Variants in NUP155 observed in about 807,000 individuals in gnomAD.
NUP155 encodes the protein nucleoporin 155, also known as nuclear pore complex protein Nup155.
NUP155 carries 71 observed loss-of-function variants against 180.4 expected under a neutral mutation model. The observed-to-expected ratio is 0.39, with a 90% CI of 0.33 to 0.48. The LOEUF (loss-of-function observed/expected upper bound fraction) is 0.48. NUP155 is among the 20% of genes least tolerant of loss of function. NUP155 has a pLI of 0.91. For missense variants in NUP155, 1,553 were observed against 1,648.9 expected, an observed-to-expected ratio of 0.94 and a Z score of 1.01; for synonymous variants, 582 against 559.5, an observed-to-expected ratio of 1.04 and a Z score of -0.57.
At chr5:37,328,096 T>C (rs367708667) in intron 17 of NUP155, among the ~76,000 whole-genome samples, 46 of 152,286 alleles carry the variant, frequency 3.0e-4, no homozygotes, top group South Asian at 8.3e-4. Context: ...GACAGTGAAA[T>C]AGAACTGATT....
intron 9 of NUP155, among the ~76,000 whole-genome samples, chr5:37,346,787 C>CT (rs1746121265): frequency 6.6e-6 from 1 of 152,130 alleles, no homozygotes; most frequent in Non-Finnish European, 1.5e-5. Flanking sequence ...GGTTCTTGTA[C>CT]TTATTTAGGA....
chr5:37,299,361 T>C (rs746106942), intron 31 of NUP155, 87 bp downstream of exon 31: 1 of 1,501,966 alleles, frequency 6.7e-7, no homozygotes, highest in Non-Finnish European at 9.3e-7. Context: ...CACTAGCAGC[T>C]TGCATTATAT....
intron 8 of NUP155, 49 bp from the exon 9 acceptor site, chr5:37,348,645 CAT>C (rs773065276): frequency 5.9e-6 from 6 of 1,025,102 alleles, no homozygotes; most frequent in Non-Finnish European, 7.8e-6. Context: ...ATACTATACA[CAT>C]ATTATTAAAC....
intron 13 of NUP155, among the ~76,000 whole-genome samples, chr5:37,332,818 G>A (rs1403895044): frequency 6.6e-6 from 1 of 152,104 alleles, no homozygotes; most frequent in Non-Finnish European, 1.5e-5. Flanking sequence ...TTAACTGGGT[G>A]TGGTGGCAAA....
At position 37,291,749 on chromosome 5, in the gene NUP155, A is replaced by T; in HGVS notation, c.*151T>A. Reference sequence around the variant, plus strand: ...AGTCATAAAAAAGAATTCATTTAGCAAAGGTACTATTTGTAGATATTAGCC... The same window carrying T: ...AGTCATAAAAAAGAATTCATTTAGCTAAGGTACTATTTGTAGATATTAGCC... On this transcript the variant is annotated 3_prime_UTR_variant, in exon 35 of 35. Coordinates refer to ENST00000231498, the MANE Select transcript of NUP155 (RefSeq NM_153485.3). The T allele has an allele frequency of 6.5e-6, 4 of 616,922 alleles. No individual in the cohort carries two copies. Among genetic ancestry groups the T allele is most frequent in the Non-Finnish European group, 1.1e-5 (4 of 362,902 alleles). The allele number at this position is 616,922 out of a possible 1,614,324, so 38.2% of individuals were successfully genotyped here.
intron 3 of NUP155, among the ~76,000 whole-genome samples, chr5:37,360,719 G>A (rs1747148375): frequency 6.7e-6 from 1 of 148,964 alleles, no homozygotes; most frequent in African/African-American, 2.5e-5. Flanking sequence ...CCAGGAGGTT[G>A]AGGCTGCAGT....
chr5:37,354,335 AC>A (rs1208519841), intron 4 of NUP155, among the ~76,000 whole-genome samples: 1 of 152,016 alleles, frequency 6.6e-6, no homozygotes, highest in East Asian at 1.9e-4. Flanking sequence ...TAGTAGAGAC[AC>A]GGTTTCACCA....
rs1021002313 is a variant in NUP155 at position 37,332,313 on chromosome 5, C to CTT, written c.1519-520_1519-519dup. Among the ~76,000 whole-genome samples the CTT allele has an allele frequency of 1.3e-3, 117 of 87,706 alleles. 7 individuals are homozygous for CTT. Among genetic ancestry groups the CTT allele is most frequent in the African/African-American group, 2.1e-3 (37 of 17,718 alleles). 57.5% of individuals were successfully genotyped at this position (87,706 alleles called of 152,430 possible). A position where few individuals can be genotyped will look rare whatever the true frequency, so the allele number is the denominator to read the frequency against. ...GCAATTGAGGTTTCTGCCATTACAG[C>CTT]TTTTTTTTTTTTTTTTTTTTTTTTT... On this transcript the variant is annotated intron_variant, in intron 13 of 34. Transcript: ENST00000231498.
At chr5:37,317,688 CTT>C (rs374997987) in intron 21 of NUP155, among the ~76,000 whole-genome samples, 12 of 131,282 alleles carry the variant, frequency 9.1e-5, no homozygotes, top group African/African-American at 1.4e-4. Context: ...CCCAATCACA[CTT>C]TTTTTTTTTT....
chr5:37,328,452 G>C, intron 16 of NUP155, 32 bp from the exon 17 acceptor site: 1 of 1,432,230 alleles, frequency 7.0e-7, no homozygotes, highest in Non-Finnish European at 9.8e-7. Flanking sequence ...TAAAGATTTA[G>C]AAAAGAACAT....
At chr5:37,299,730 A>C (rs999961918) in intron 30 of NUP155, among the ~76,000 whole-genome samples, 162 bp from the exon 31 acceptor site, 7 of 152,126 alleles carry the variant, frequency 4.6e-5, no homozygotes, top group African/African-American at 1.7e-4. Context: ...TTATAACTCC[A>C]TATTTAAAAA....
chr5:37,330,780 T>TAC (rs565176736), intron 14 of NUP155, among the ~76,000 whole-genome samples: 279 of 152,240 alleles, frequency 1.8e-3, no homozygotes, highest in African/African-American at 6.5e-3. Flanking sequence ...TCCCTAAATG[T>TAC]CTTGTGCTTT....
At chr5:37,317,948 G>C (rs1222604442) in intron 21 of NUP155, 40 bp downstream of exon 21, 1 of 1,043,770 alleles carries the variant, frequency 9.6e-7, no homozygotes. Flanking sequence ...AAATTTTACT[G>C]AGGTCATGTA....
At chr5:37,293,247 C>G in intron 33 of NUP155, 1 of 345,382 alleles carries the variant, frequency 2.9e-6, no homozygotes, top group Non-Finnish European at 5.3e-6. Flanking sequence ...ATGTAAATGT[C>G]CCGCTTAGGA....
At chr5:37,304,911 C>G (rs1386476803) in intron 26 of NUP155, 68 bp from the exon 27 acceptor site, 1 of 1,499,564 alleles carries the variant, frequency 6.7e-7, no homozygotes, top group Non-Finnish European at 9.3e-7. Flanking sequence ...AACCCTTTAG[C>G]CCTATAAACT....
Position 37,324,123 on chromosome 5 carries a change from A to G in NUP155, c.2092-16T>C. The G allele has an allele frequency of 3.9e-6, 6 of 1,554,264 alleles. No individual in the cohort carries two copies. Among genetic ancestry groups the G allele is most frequent in the Non-Finnish European group, 5.3e-6 (6 of 1,125,800 alleles). ...TACTTTCAATCTGTAAAAATGAAAG[A>G]TTTTTCAAAAGTTTAAAAACACACC... On this transcript the variant is annotated splice_polypyrimidine_tract_variant and intron_variant, in intron 19 of 34. Coordinates refer to ENST00000231498, the MANE Select transcript of NUP155 (RefSeq NM_153485.3).
In NUP155 at chr5:37,291,117, T is replaced by C. The variant is rs1450927031; in HGVS notation, c.*783A>G. 1 of 152,236 alleles carries C rather than the reference T, an allele frequency of 6.6e-6. No homozygotes were observed. The highest frequency in any genetic ancestry group is 1.5e-5 in the Non-Finnish European group (1 of 68,052). 9.4% of individuals were successfully genotyped at this position (152,236 alleles called of 1,614,324 possible). ...GGCTTTAACTGACAAAACCAGTTGT[T>C]AGAGGACAGTTCTTTCAAGGGTGAA... On this transcript the variant is annotated 3_prime_UTR_variant, in exon 35 of 35. Transcript: ENST00000231498.
intron 3 of NUP155, 51 bp downstream of exon 3, chr5:37,363,837 G>C (rs961648468): frequency 1.6e-6 from 2 of 1,212,290 alleles, no homozygotes; most frequent in Admixed American, 3.4e-5. Flanking sequence ...CTACAGTAAA[G>C]TTTATATAAA....
intron 32 of NUP155, among the ~76,000 whole-genome samples, chr5:37,295,907 C>A (rs1403423212): frequency 6.7e-6 from 1 of 149,488 alleles, no homozygotes; most frequent in African/African-American, 2.5e-5. Context: ...GGCCAGCCGC[C>A]CCGTCCGGGA....
Sources: gnomAD v4.1 joint callset for allele counts (sites outside exome capture counted in the v4.1 genomes callset) on GRCh38, gnomAD v4.1.1 for gene constraint, MANE v1.5 for transcripts, NCBI Gene and HGNC (gene_info 2026-07-23, HGNC 2026-07-21) for gene names.